The following GFRA1 variants were observed in gnomAD, a reference collection of about 807,000 sequenced individuals.
GFRA1 encodes GDNF family receptor alpha-1.
Under a neutral mutation model 51.6 loss-of-function variants are expected in GFRA1, and 16 were observed. The ratio of observed to expected loss-of-function variants is 0.31; its 90% CI spans 0.21 to 0.47. The LOEUF (loss-of-function observed/expected upper bound fraction) is 0.47, where lower values mean the gene tolerates loss of function less well. Ranked by LOEUF, GFRA1 falls within the 20% of genes least tolerant of loss-of-function variation. The pLI, the probability that GFRA1 is intolerant of heterozygous loss-of-function variation, is 1.00. For missense variants in GFRA1, 530 were observed against 594.3 expected (o/e 0.89, Z 1.13); for synonymous variants, 270 against 241.3 (o/e 1.12, Z -1.10).
In GFRA1 at chr10:116,125,502, G is replaced by A. The variant is rs766739399; in HGVS notation, c.489C>T (p.Leu163=). 4 of 1,614,046 alleles carry A rather than the reference G, an allele frequency of 2.5e-6. No homozygotes were observed. Among genetic ancestry groups the A allele is most frequent in the African/African-American group, 1.3e-5 (1 of 74,928 alleles). Residue 163 remains leucine, a synonymous_variant, in exon 6 of 11, where the codon CTC becomes CTT. Coordinates refer to ENST00000355422, the MANE Select transcript of GFRA1 (RefSeq NM_005264.8). ...NCLDAAKACN[L]DDICKKYRSA... is the part of the protein sequence containing the mutation. ...ACCTGTACTTCTTGCAAATGTCGTC[G>A]AGGTTGCAGGCCTTCGCTGCATCCA... is the stretch of plus-strand genomic sequence containing the variant.
At chr10:116,113,927 G>A (rs912615628) in intron 6 of GFRA1, among the ~76,000 whole-genome samples, 7 of 152,034 alleles carry the variant, frequency 4.6e-5, no homozygotes, top group African/African-American at 1.7e-4. Context: ...CCGCACCACC[G>A]TCACCGCCAT....
chr10:116,225,443 G>A (rs1276732504), intron 4 of GFRA1, among the ~76,000 whole-genome samples: 1 of 146,976 alleles, frequency 6.8e-6, no homozygotes, highest in Non-Finnish European at 1.5e-5. Flanking sequence ...GCTGAGGCAG[G>A]AGAACTGCTT....
chr10:116,257,206 A>C (rs1261415688), intron 4 of GFRA1, among the ~76,000 whole-genome samples: 1 of 152,106 alleles, frequency 6.6e-6, no homozygotes, highest in Non-Finnish European at 1.5e-5. Flanking sequence ...CTAGCAGCCG[A>C]GGCCCTTCAG....
intron 5 of GFRA1, among the ~76,000 whole-genome samples, chr10:116,167,552 C>A (rs1960594664): frequency 6.6e-6 from 1 of 150,468 alleles, no homozygotes; most frequent in Admixed American, 6.7e-5. Context: ...AGTTCATTTT[C>A]AAAATTAATT....
intron 5 of GFRA1, among the ~76,000 whole-genome samples, chr10:116,210,274 C>A (rs961774406): frequency 6.6e-6 from 1 of 152,132 alleles, no homozygotes; most frequent in Admixed American, 6.5e-5. Context: ...AACCTCAACA[C>A]ACATGTTCCA....
At chr10:116,268,038 A>G (rs983458242) in intron 4 of GFRA1, among the ~76,000 whole-genome samples, 1 of 152,196 alleles carries the variant, frequency 6.6e-6, no homozygotes, top group Admixed American at 6.5e-5. Context: ...TCATGTACAT[A>G]TGAAGAACCC....
chr10:116,127,592 G>A (rs191259616), intron 5 of GFRA1, among the ~76,000 whole-genome samples: 7 of 152,256 alleles, frequency 4.6e-5, no homozygotes, highest in Admixed American at 4.6e-4. Context: ...AGCACACCTG[G>A]TACTGTTTCT....
At chr10:116,217,234 G>C (rs1376472271) in intron 4 of GFRA1, among the ~76,000 whole-genome samples, 1 of 152,102 alleles carries the variant, frequency 6.6e-6, no homozygotes, top group Non-Finnish European at 1.5e-5. Flanking sequence ...TCAATGACCT[G>C]GGATCAAGTC....
intron 4 of GFRA1, among the ~76,000 whole-genome samples, chr10:116,213,147 A>C (rs1965327361): frequency 6.6e-6 from 1 of 152,224 alleles, no homozygotes; most frequent in African/African-American, 2.4e-5. Context: ...CCTTGGCCCA[A>C]CAATACCACT....
chr10:116,203,509 G>A (rs1285336849), intron 5 of GFRA1, among the ~76,000 whole-genome samples: 2 of 152,210 alleles, frequency 1.3e-5, no homozygotes, highest in African/African-American at 2.4e-5. Context: ...GCTCTGGCTG[G>A]AGGGGACTGT....
At chr10:116,126,740 C>T (rs1471239565) in intron 5 of GFRA1, among the ~76,000 whole-genome samples, 1 of 152,140 alleles carries the variant, frequency 6.6e-6, no homozygotes, top group Non-Finnish European at 1.5e-5. Context: ...CTATGACCTC[C>T]TTTCATTCTG....
At position 116,237,171 on chromosome 10, in the gene GFRA1, T is replaced by C. The variant is rs139359519; in HGVS notation, c.419-25526A>G. Reference sequence around the variant, plus strand: ...TGTGTATACATAAGCGTCTTTTTTATTTACAAAAGGTAGCAAGCTATACAA... The same window carrying C: ...TGTGTATACATAAGCGTCTTTTTTACTTACAAAAGGTAGCAAGCTATACAA... On this transcript the variant is annotated intron_variant, in intron 4 of 10. Transcript: ENST00000355422. Among the ~76,000 whole-genome samples the C allele has an allele frequency of 7.1e-3, 1,075 of 152,336 alleles. 7 individuals carry two copies. Among genetic ancestry groups the C allele is most frequent in the Non-Finnish European group, 0.011 (746 of 68,034 alleles).
chr10:116,274,686 T>A (rs1462020081), upstream of GFRA1, among the ~76,000 whole-genome samples: 1 of 152,142 alleles, frequency 6.6e-6, no homozygotes, highest in Non-Finnish European at 1.5e-5. Flanking sequence ...GCTGTACGCG[T>A]GTTCCTCCAG....
intron 5 of GFRA1, among the ~76,000 whole-genome samples, chr10:116,159,018 C>T (rs1959461731): frequency 6.6e-6 from 1 of 152,224 alleles, no homozygotes; most frequent in African/African-American, 2.4e-5. Flanking sequence ...CGGTGCTTTA[C>T]CATCCTCTAA....
chr10:116,150,750 A>C (rs1959027755), intron 5 of GFRA1, among the ~76,000 whole-genome samples: 2 of 152,076 alleles, frequency 1.3e-5, no homozygotes, highest in Non-Finnish European at 2.9e-5. Flanking sequence ...AAAAATGCCA[A>C]ATCCTAGAAA....
At chr10:116,157,581 T>C (rs1959278147) in intron 5 of GFRA1, among the ~76,000 whole-genome samples, 1 of 152,198 alleles carries the variant, frequency 6.6e-6, no homozygotes, top group Non-Finnish European at 1.5e-5. Context: ...CTCCAAGTAA[T>C]TTCCTATTCA....
intron 5 of GFRA1, among the ~76,000 whole-genome samples, chr10:116,201,952 C>T (rs1048198725): frequency 6.6e-6 from 1 of 152,090 alleles, no homozygotes; most frequent in Non-Finnish European, 1.5e-5. Flanking sequence ...AGAGTTCTGC[C>T]TCAACCTCAT....
At chr10:116,111,674 C>T (rs904849561) in intron 6 of GFRA1, among the ~76,000 whole-genome samples, 41 of 152,176 alleles carry the variant, frequency 2.7e-4, no homozygotes, top group Non-Finnish European at 5.4e-4. Flanking sequence ...AGCCATCAGC[C>T]TAGATCACCT....
At chr10:116,084,501 G>A (rs764636925) in intron 9 of GFRA1, among the ~76,000 whole-genome samples, 2 of 152,142 alleles carry the variant, frequency 1.3e-5, no homozygotes, top group African/African-American at 2.4e-5. Context: ...CCCTGGGGCT[G>A]AGCGTGTGCC....
Sources: allele counts gnomAD v4.1 joint callset (sites outside exome capture counted in the v4.1 genomes callset), GRCh38; gene constraint gnomAD v4.1.1; transcripts MANE v1.5; gene names NCBI Gene and HGNC (gene_info 2026-07-23, HGNC 2026-07-21).